Variants in AVEN observed in about 807,000 individuals in gnomAD.
AVEN encodes the protein apoptosis and caspase activation inhibitor.
In AVEN, 41 loss-of-function variants were observed where a neutral mutation model predicts 38.1. The observed-to-expected ratio is 1.08, with a 90% confidence interval of 0.84 to 1.40. The LOEUF (loss-of-function observed/expected upper bound fraction) is 1.40, where lower values mean the gene tolerates loss of function less well. Among genes scored for constraint, AVEN ranks in the 40% most tolerant of loss-of-function variants. AVEN has a pLI of 0.00. For missense variants in AVEN, 605 were observed against 438.8 expected (o/e 1.38, Z -3.38); for synonymous variants, 206 against 171.8 (o/e 1.20, Z -1.56).
chr15:33,942,600 G>A (rs959733945), intron 2 of AVEN, among the ~76,000 whole-genome samples: 4 of 152,088 alleles, frequency 2.6e-5, no homozygotes, highest in African/African-American at 9.6e-5. Context: ...ACAGGCACCC[G>A]CCACCATGCC....
downstream of AVEN, among the ~76,000 whole-genome samples, chr15:33,858,397 G>C (rs943586601): frequency 1.3e-5 from 2 of 151,894 alleles, no homozygotes; most frequent in African/African-American, 4.8e-5. Flanking sequence ...AGTAGTGATG[G>C]GGTTTCTCTA....
intron 4 of AVEN, 37 bp downstream of exon 4, chr15:33,870,898 T>C (rs768273165): frequency 1.2e-5 from 18 of 1,522,894 alleles, no homozygotes; most frequent in Non-Finnish European, 1.5e-5. Flanking sequence ...CCTCCTGCCC[T>C]AATCCACCCG....
intron 2 of AVEN, among the ~76,000 whole-genome samples, chr15:33,983,447 AC>A (rs1451137385): frequency 6.6e-6 from 1 of 151,980 alleles, no homozygotes; most frequent in African/African-American, 2.4e-5. Context: ...CAAGAATAGC[AC>A]CATTTATAAT....
intron 2 of AVEN, among the ~76,000 whole-genome samples, chr15:33,959,588 T>C (rs1464506699): frequency 6.6e-6 from 1 of 151,954 alleles, no homozygotes; most frequent in East Asian, 1.9e-4. Context: ...CAGTGCCCAC[T>C]CCCCAACCCC....
chr15:33,892,863 C>T (rs1194605812), intron 2 of AVEN, among the ~76,000 whole-genome samples: 3 of 152,070 alleles, frequency 2.0e-5, no homozygotes, highest in Admixed American at 6.6e-5. Context: ...GGGCATGGAA[C>T]GTTCCTCCAT....
At chr15:34,041,785 T>A (rs1899485145), upstream of AVEN, among the ~76,000 whole-genome samples, 1 of 152,174 alleles carries the variant, frequency 6.6e-6, no homozygotes, top group South Asian at 2.1e-4. Context: ...ATTTTACAGA[T>A]AAGAAAACTG....
chr15:33,885,777 G>A (rs1222986104), intron 2 of AVEN: 4 of 152,084 alleles, frequency 2.6e-5, no homozygotes. Flanking sequence ...TACCTTAAAG[G>A]GATTCTAGGC....
intron 5 of AVEN, among the ~76,000 whole-genome samples, chr15:34,057,618 A>T (rs1484863105): frequency 6.6e-6 from 1 of 152,176 alleles, no homozygotes; most frequent in East Asian, 1.9e-4. Context: ...ACTCAGGTTA[A>T]GTAATGTGTC....
In AVEN at chr15:33,943,823, TAAAAAAAA is replaced by T. The variant is rs71119905; in HGVS notation, c.445+59201_445+59208del. Among the ~76,000 whole-genome samples, 31 of 88,878 alleles carry T rather than the reference TAAAAAAAA, an allele frequency of 3.5e-4. 1 individual carries two copies. Among genetic ancestry groups the T allele is most frequent in the South Asian group, 1.4e-3 (3 of 2,202 alleles). 58.3% of individuals were successfully genotyped at this position (88,878 alleles called of 152,430 possible). A position where few individuals can be genotyped will look rare whatever the true frequency, so the allele number is the denominator to read the frequency against. Reference sequence around the variant, plus strand: ...GGGTGACAGAGCAAGACTCCGTCTTTAAAAAAAAAAAAAAAAAAAAAAAAAAGTTGTTA... The same window carrying T: ...GGGTGACAGAGCAAGACTCCGTCTTTAAAAAAAAAAAAAAAAAAGTTGTTA... On this transcript the variant is annotated intron_variant, in intron 2 of 5. Transcript: ENST00000306730.
At chr15:34,064,540 C>A in intron 4 of AVEN, 1 of 585,506 alleles carries the variant, frequency 1.7e-6, no homozygotes, top group Admixed American at 3.3e-5. Flanking sequence ...CCATTTGATG[C>A]CAGGGGAGTT....
In AVEN at chr15:34,053,319, A is replaced by AATATAT. The variant is rs71119922; in HGVS notation, n.1637+9597_1637+9602dup. On this transcript the variant is annotated intron_variant and non_coding_transcript_variant, in intron 5 of 11. Transcript: ENST00000675287. ...CATCTCAAAAAAAAAAAAAAAAAAA[A>AATATAT]ATATATATATATATATATATATATG... 9.5e-3 allele frequency among the ~76,000 whole-genome samples: 400 copies of AATATAT among 41,976 alleles called. 5 individuals are homozygous for AATATAT. Among genetic ancestry groups the AATATAT allele is most frequent in the South Asian group, 0.011 (15 of 1,326 alleles). 27.5% of individuals were successfully genotyped at this position (41,976 alleles called of 152,430 possible).
chr15:33,988,436 A>G (rs897201532), intron 2 of AVEN, among the ~76,000 whole-genome samples: 13 of 152,222 alleles, frequency 8.5e-5, no homozygotes, highest in Non-Finnish European at 1.8e-4. Context: ...GAATAGAGAT[A>G]ATGAAACCTA....
intron 11 of AVEN, chr15:33,859,797 T>A (rs970026897): frequency 8.1e-6 from 12 of 1,473,998 alleles, no homozygotes; most frequent in Admixed American, 2.0e-5. Flanking sequence ...TTCTTCCATC[T>A]ATGACTTAAT....
chr15:34,053,212 A>G (rs895893777), intron 5 of AVEN, among the ~76,000 whole-genome samples: 1 of 148,098 alleles, frequency 6.8e-6, no homozygotes, highest in African/African-American at 2.5e-5. Context: ...AGGCAGGAGA[A>G]TTGCTTGAAC....
intron 1 of AVEN, among the ~76,000 whole-genome samples, chr15:34,014,188 C>T (rs1441074842): frequency 6.6e-6 from 1 of 151,866 alleles, no homozygotes; most frequent in Non-Finnish European, 1.5e-5. Flanking sequence ...CATGGCAAAA[C>T]CCCATCTCTA....
At chr15:33,875,896 G>C in intron 3 of AVEN, 29 bp downstream of exon 3, 1 of 1,592,246 alleles carries the variant, frequency 6.3e-7, no homozygotes, top group Non-Finnish European at 8.6e-7. Context: ...AGAAGAGCCA[G>C]TCCACACTTA....
At chr15:33,921,384 T>C (rs1893387934) in intron 2 of AVEN, among the ~76,000 whole-genome samples, 1 of 151,758 alleles carries the variant, frequency 6.6e-6, no homozygotes, top group Non-Finnish European at 1.5e-5. Context: ...ATTGAGACAG[T>C]TTTTCAGAAC....
At chr15:33,922,425 G>A (rs2153048332) in intron 2 of AVEN, among the ~76,000 whole-genome samples, 1 of 110,524 alleles carries the variant, frequency 9.0e-6, no homozygotes, top group Non-Finnish European at 2.0e-5. Context: ...TTGTGAATGT[G>A]ATTTGACACT....
At chr15:34,071,258 T>TTA (rs1900618580) in intron 1 of AVEN, among the ~76,000 whole-genome samples, 1 of 152,146 alleles carries the variant, frequency 6.6e-6, no homozygotes, top group Non-Finnish European at 1.5e-5. Flanking sequence ...TACCCCAATA[T>TTA]TACTAGCTAG....
Sources: gnomAD v4.1 joint callset for allele counts (sites outside exome capture counted in the v4.1 genomes callset) on GRCh38, gnomAD v4.1.1 for gene constraint, MANE v1.5 for transcripts, NCBI Gene and HGNC (gene_info 2026-07-23, HGNC 2026-07-21) for gene names.